The following HOXC11 variants were observed in gnomAD, a reference collection of about 807,000 sequenced individuals.
HOXC11 encodes homeobox protein Hox-C11.
In HOXC11, 17 loss-of-function variants were observed where a neutral mutation model predicts 23.6. The ratio of observed to expected loss-of-function variants is 0.72; its 90% CI spans 0.49 to 1.08. HOXC11 has a LOEUF of 1.08. HOXC11 is among the 50% of genes least tolerant of loss of function. The pLI is 0.00. For synonymous variants in HOXC11, 196 were observed against 183.8 expected (o/e 1.07, Z -0.54); for missense variants, 413 against 412.1 (o/e 1.00, Z -0.02).
At position 53,973,433 on chromosome 12, in the gene HOXC11, G is replaced by C; in HGVS notation, c.192G>C (p.Ser64=). 1 of 1,613,790 alleles carries C rather than the reference G, an allele frequency of 6.2e-7. No homozygotes were observed. The highest frequency in any genetic ancestry group is 8.5e-7 in the Non-Finnish European group (1 of 1,179,960). The change falls in exon 1 of 2, where the codon TCG becomes TCC. Residue 64 remains serine (S), a synonymous_variant. Coordinates refer to ENST00000546378, the MANE Select transcript of HOXC11 (RefSeq NM_014212.4). The surrounding 1 kb of genome is among the most constrained non-coding windows in gnomAD (Gnocchi z 4.3). ...APSRQISYPY[S]AQVPPVREVS... is the part of the protein sequence containing the mutation. ...CTCGTCAGATCTCCTATCCCTACTC[G>C]GCCCAAGTGCCCCCGGTCCGGGAGG...
Position 53,976,738 on chromosome 12 carries a change from G to A in HOXC11, c.*1325G>A, listed in dbSNP as rs1456240392. ...TTCTGTTTAAGTACACGTTTGTTGT[G>A]GAGTTAATTGTAACCATCATCGAAT... On this transcript the variant is annotated 3_prime_UTR_variant, in exon 2 of 2. Transcript: ENST00000546378. The A allele has an allele frequency of 6.6e-6, 1 of 152,378 alleles. No individual in the cohort carries two copies. Among genetic ancestry groups the A allele is most frequent in the Non-Finnish European group, 1.5e-5 (1 of 68,154 alleles). 9.4% of individuals were successfully genotyped at this position (152,378 alleles called of 1,614,324 possible). A position where few individuals can be genotyped will look rare whatever the true frequency, so the allele number is the denominator to read the frequency against.
chr12:53,973,272 T>C lies in HOXC11; in HGVS notation c.31T>C (p.Cys11Arg). The C allele has an allele frequency of 6.2e-7, 1 of 1,612,306 alleles. No homozygotes were observed. The highest frequency in any genetic ancestry group is 8.5e-7 in the Non-Finnish European group (1 of 1,179,550). ...TAACTCGGTCAACCTGGGCAACTTC[T>C]GCTCTCCGTCGCGCAAGGAGAGGGG... MFNSVNLGNF[C>R]SPSRKERGAD... is the part of the protein sequence containing the mutation. Residue 11 changes from cysteine (C) to arginine (R), a missense_variant, in exon 1 of 2, where the codon TGC (cysteine) becomes CGC (arginine). Coordinates refer to ENST00000546378, the MANE Select transcript of HOXC11 (RefSeq NM_014212.4). The surrounding 1 kb of genome is among the most constrained non-coding windows in gnomAD (Gnocchi z 4.3).
chr12:53,975,995 A>T lies in HOXC11; in HGVS notation c.*582A>T. ...CTTCGCCAAGGCCCCGCCCGAGCCT[A>T]GTTGTTCTCCCCCTGAATGTGTAGA... On this transcript the variant is annotated 3_prime_UTR_variant, in exon 2 of 2. Transcript: ENST00000546378. 4.0e-6 allele frequency: 1 copy of T among 248,054 alleles called. No homozygotes were observed. The highest frequency in any genetic ancestry group is 1.7e-4 in the South Asian group (1 of 6,000). 15.4% of individuals were successfully genotyped at this position (248,054 alleles called of 1,614,324 possible).
chr12:53,974,178 C>T (rs988671272), intron 1 of HOXC11, among the ~76,000 whole-genome samples: 1 of 152,074 alleles, frequency 6.6e-6, no homozygotes, highest in Admixed American at 6.5e-5. Flanking sequence ...CCGGGTGAAC[C>T]CCCCTCCCCC....
At position 53,975,440 on chromosome 12, in the gene HOXC11, G is replaced by T. The variant is rs1416404908; in HGVS notation, c.*27G>T. 1 of 912,430 alleles carries T rather than the reference G, an allele frequency of 1.1e-6. No homozygotes were observed. Among genetic ancestry groups the T allele is most frequent in the South Asian group, 1.3e-5 (1 of 74,526 alleles). 56.5% of individuals were successfully genotyped at this position (912,430 alleles called of 1,614,324 possible). On this transcript the variant is annotated 3_prime_UTR_variant, in exon 2 of 2. Coordinates refer to ENST00000546378, the MANE Select transcript of HOXC11 (RefSeq NM_014212.4). ...CTGCAGACCGGGCCCTTTTGGGGGC[G>T]GGGGGAGGGGAAAATTATTTTATTT...
chr12:53,974,127 A>C (rs978707430), intron 1 of HOXC11, among the ~76,000 whole-genome samples: 2 of 149,196 alleles, frequency 1.3e-5, no homozygotes, highest in Non-Finnish European at 3.0e-5. Context: ...TTTACGATGG[A>C]GAAGGGGTGG....
rs1440457032 is a variant in HOXC11, at chr12:53,975,600, T to A, written c.*187T>A. The A allele has an allele frequency of 1.5e-6, 1 of 656,352 alleles. No individual in the cohort carries two copies. Among genetic ancestry groups the A allele is most frequent in the Non-Finnish European group, 2.7e-6 (1 of 368,794 alleles). 40.7% of individuals were successfully genotyped at this position (656,352 alleles called of 1,614,324 possible). A position where few individuals can be genotyped will look rare whatever the true frequency, so the allele number is the denominator to read the frequency against. On this transcript the variant is annotated 3_prime_UTR_variant, in exon 2 of 2. Transcript: ENST00000546378. ...TGGACCCTCTATCTGACTCTCGCTG[T>A]GGGACAGGGACCGGGCCTGGAAAGG...
chr12:53,973,986 G>C lies in HOXC11; in HGVS notation c.682+63G>C, dbSNP rs1939201074. 2.2e-6 allele frequency: 3 copies of C among 1,357,114 alleles called. No homozygotes were observed. The highest frequency in any genetic ancestry group is 3.0e-5 in the African/African-American group (2 of 67,242). 84.1% of individuals were successfully genotyped at this position (1,357,114 alleles called of 1,614,324 possible). A position where few individuals can be genotyped will look rare whatever the true frequency, so the allele number is the denominator to read the frequency against. On this transcript the variant is annotated intron_variant, in intron 1 of 1. Transcript: ENST00000546378. This position sits in a 1 kb window ranked among gnomAD's most constrained non-coding sequence, Gnocchi z 4.3. ...GGAGGGAGCGAGAGAGGGAGGGCGAGAGAAGGGGGGAGGCAAGGGGAGCGG... is the reference window on the plus strand; with the variant it reads ...GGAGGGAGCGAGAGAGGGAGGGCGACAGAAGGGGGGAGGCAAGGGGAGCGG...
At chr12:53,974,687 C>T (rs868491487) in intron 1 of HOXC11, among the ~76,000 whole-genome samples, 8 of 151,600 alleles carry the variant, frequency 5.3e-5, no homozygotes, top group South Asian at 2.1e-4. Context: ...GCCCCGGAAG[C>T]GGCTCTCTGG....
At chr12:53,975,077 G>A (rs1939231517) in intron 1 of HOXC11, 104 bp from the exon 2 acceptor site, 1 of 614,922 alleles carries the variant, frequency 1.6e-6, no homozygotes, top group Non-Finnish European at 2.9e-6. Context: ...TGCCCGCGGT[G>A]GGCTAGGAGA....
rs2136378560 is a variant in HOXC11, at chr12:53,976,855, T to TC, written c.*1442_*1443insC. On this transcript the variant is annotated 3_prime_UTR_variant, in exon 2 of 2. Coordinates refer to ENST00000546378, the MANE Select transcript of HOXC11 (RefSeq NM_014212.4). ...AATGTGTAGTGTGGAGGTTAGGGCT[T>TC]TTTTTTTTTTTTCTCTAGGAGAAAT... 7.3e-6 allele frequency: 1 copy of TC among 137,322 alleles called. No homozygotes were observed. The highest frequency in any genetic ancestry group is 2.0e-4 in the East Asian group (1 of 5,108). 8.5% of individuals were successfully genotyped at this position (137,322 alleles called of 1,614,324 possible). A position where few individuals can be genotyped will look rare whatever the true frequency, so the allele number is the denominator to read the frequency against.
rs372124938 is a variant in HOXC11, at chr12:53,973,499, G to T, written c.258G>T (p.Arg86=). The T allele has an allele frequency of 1.9e-5, 31 of 1,614,018 alleles. No individual in the cohort carries two copies. The African/African-American group carries it at 3.6e-4, about 19-fold the overall frequency. Residue 86 remains arginine, a synonymous_variant, in exon 1 of 2, where the codon CGG becomes CGT. Coordinates refer to ENST00000546378, the MANE Select transcript of HOXC11 (RefSeq NM_014212.4). The surrounding 1 kb of genome is among the most constrained non-coding windows in gnomAD (Gnocchi z 4.3). ...GLEPSGKWHH[R]NSYSSCYAAA... ...AGCCATCCGGCAAGTGGCACCATCG[G>T]AACAGCTACTCCTCCTGCTATGCGG...
intron 1 of HOXC11, chr12:53,974,888 G>A (rs1404170388): frequency 6.0e-6 from 2 of 330,640 alleles, no homozygotes; most frequent in Non-Finnish European, 1.1e-5. Context: ...CCGAGGGGAC[G>A]CACGTGTACC....
chr12:53,975,050 C>A lies in HOXC11; in HGVS notation c.683-131C>A, dbSNP rs1388092417. On this transcript the variant is annotated intron_variant, in intron 1 of 1. Transcript: ENST00000546378. ...GGTGCTGCGGCTGCAGGAGAGCCAGCCGCCTGGCGGGAGGGCTGCCCGCGG... is the reference window on the plus strand; with the variant it reads ...GGTGCTGCGGCTGCAGGAGAGCCAGACGCCTGGCGGGAGGGCTGCCCGCGG... The A allele has an allele frequency of 3.4e-6, 2 of 595,010 alleles. 1 individual carries two copies. Among genetic ancestry groups the A allele is most frequent in the South Asian group, 4.1e-5 (2 of 48,852 alleles). 36.9% of individuals were successfully genotyped at this position (595,010 alleles called of 1,614,324 possible).
Position 53,975,747 on chromosome 12 carries a change from G to C in HOXC11, c.*334G>C, listed in dbSNP as rs1443086673. 3.8e-6 allele frequency: 2 copies of C among 529,380 alleles called. No individual in the cohort carries two copies. The highest frequency in any genetic ancestry group is 3.9e-5 in the African/African-American group (2 of 51,320). 32.8% of individuals were successfully genotyped at this position (529,380 alleles called of 1,614,324 possible). A position where few individuals can be genotyped will look rare whatever the true frequency, so the allele number is the denominator to read the frequency against. ...TTGCTGCTCGGATTAGGTGGGGGAGGGGCGACAGTAGTGAGCGCCTGAGCC... is the reference window on the plus strand; with the variant it reads ...TTGCTGCTCGGATTAGGTGGGGGAGCGGCGACAGTAGTGAGCGCCTGAGCC... On this transcript the variant is annotated 3_prime_UTR_variant, in exon 2 of 2. Coordinates refer to ENST00000546378, the MANE Select transcript of HOXC11 (RefSeq NM_014212.4).
Position 53,973,157 on chromosome 12 carries a change from A to ACG in HOXC11, c.-82_-81dup. 1.0e-6 allele frequency: 1 copy of ACG among 984,752 alleles called. No homozygotes were observed. The highest frequency in any genetic ancestry group is 1.5e-6 in the Non-Finnish European group (1 of 669,832). The allele number at this position is 984,752 out of a possible 1,614,324, so 61.0% of individuals were successfully genotyped here. On this transcript the variant is annotated 5_prime_UTR_variant, in exon 1 of 2. Transcript: ENST00000546378. This position sits in a 1 kb window ranked among gnomAD's most constrained non-coding sequence, Gnocchi z 4.3. Reference sequence around the variant, plus strand: ...AGAGAGAGAGAGACTAAGACGGATAACGCGTCATCTCGCCTTCCCAAATTT... The same window carrying ACG: ...AGAGAGAGAGAGACTAAGACGGATAACGCGCGTCATCTCGCCTTCCCAAATTT...
chr12:53,973,899 G>C lies in HOXC11; in HGVS notation c.658G>C (p.Glu220Gln), dbSNP rs1393638866. Reference protein sequence around the residue: ...SSGSAHSVAKEPAKGAAPNAP... With the variant: ...SSGSAHSVAKQPAKGAAPNAP... ...CGGTTCAGCCCACTCCGTGGCCAAG[G>C]AGCCGGCCAAAGGAGCCGCCCCCAG... The change falls in exon 1 of 2, where the codon GAG (glutamate) becomes CAG (glutamine). Residue 220 changes from glutamate (E) to glutamine (Q), a missense_variant. Coordinates refer to ENST00000546378, the MANE Select transcript of HOXC11 (RefSeq NM_014212.4). This position sits in a 1 kb window ranked among gnomAD's most constrained non-coding sequence, Gnocchi z 4.3. 3 of 1,447,404 alleles carry C rather than the reference G, an allele frequency of 2.1e-6. No individual in the cohort carries two copies. The highest frequency in any genetic ancestry group is 5.8e-5 in the Admixed American group (2 of 34,530). 89.7% of individuals were successfully genotyped at this position (1,447,404 alleles called of 1,614,324 possible). A position where few individuals can be genotyped will look rare whatever the true frequency, so the allele number is the denominator to read the frequency against.
intron 1 of HOXC11, among the ~76,000 whole-genome samples, chr12:53,974,419 C>T (rs1022711498): frequency 1.3e-5 from 2 of 151,890 alleles, no homozygotes; most frequent in Non-Finnish European, 1.5e-5. Flanking sequence ...AACCTGAGAC[C>T]GGAGAGGCAA....
chr12:53,973,160 C>G lies in HOXC11; in HGVS notation c.-82C>G. ...GAGAGAGAGACTAAGACGGATAACG[C>G]GTCATCTCGCCTTCCCAAATTTTCC... On this transcript the variant is annotated 5_prime_UTR_variant, in exon 1 of 2. Transcript: ENST00000546378. This position sits in a 1 kb window ranked among gnomAD's most constrained non-coding sequence, Gnocchi z 4.3. The G allele has an allele frequency of 9.8e-7, 1 of 1,016,938 alleles. No individual in the cohort carries two copies. Among genetic ancestry groups the G allele is most frequent in the Non-Finnish European group, 1.4e-6 (1 of 698,124 alleles). The allele number at this position is 1,016,938 out of a possible 1,614,324, so 63.0% of individuals were successfully genotyped here. A position where few individuals can be genotyped will look rare whatever the true frequency, so the allele number is the denominator to read the frequency against.
Sources: allele counts gnomAD v4.1 joint callset (sites outside exome capture counted in the v4.1 genomes callset), GRCh38; gene constraint gnomAD v4.1.1; non-coding constraint Gnocchi (gnomAD v3.1); transcripts MANE v1.5; gene names NCBI Gene and HGNC (gene_info 2026-07-23, HGNC 2026-07-21).